RASA2: variants seen among roughly 807,000 people sequenced by gnomAD.
RASA2 encodes the protein ras GTPase-activating protein 2.
A neutral mutation model predicts 118.2 loss-of-function variants in RASA2; 155 were observed. The observed-to-expected ratio is 1.31, with a 90% CI of 1.15 to 1.50. The LOEUF is 1.50. Ranked by LOEUF, RASA2 falls within the 40% of genes most tolerant of loss-of-function variation. The probability of loss-of-function intolerance (pLI) is 0.00; values close to 1 mark genes in which losing one functional copy is unlikely to be tolerated. For synonymous variants in RASA2, 353 were observed against 349.1 expected (o/e 1.01, Z -0.12); for missense variants, 1,016 against 1,009.6 (o/e 1.01, Z -0.09).
chr3:141,586,384 T>C (rs918042890), intron 18 of RASA2, among the ~76,000 whole-genome samples: 7 of 152,194 alleles, frequency 4.6e-5, no homozygotes, highest in Admixed American at 1.3e-4. Flanking sequence ...GTAAAGTGTT[T>C]ATTATAAGTT....
chr3:141,558,989 T>G (rs777833346), intron 8 of RASA2, 27 bp downstream of exon 8: 1 of 1,535,534 alleles, frequency 6.5e-7, no homozygotes, highest in East Asian at 2.3e-5. Context: ...TTTACAGAAT[T>G]GCTTTTTTGT....
chr3:141,546,304 C>T (rs1207432593), intron 5 of RASA2, among the ~76,000 whole-genome samples: 1 of 152,172 alleles, frequency 6.6e-6, no homozygotes, highest in Non-Finnish European at 1.5e-5. Context: ...ACATTGCCAC[C>T]AGCAGTGTAC....
intron 19 of RASA2, among the ~76,000 whole-genome samples, chr3:141,601,337 G>A (rs1465971879): frequency 6.6e-6 from 1 of 152,026 alleles, no homozygotes; most frequent in Non-Finnish European, 1.5e-5. Context: ...TGAGGTCCGA[G>A]AATCACTTGA....
intron 3 of RASA2, among the ~76,000 whole-genome samples, chr3:141,519,918 G>A (rs555937350): frequency 1.3e-5 from 2 of 151,574 alleles, no homozygotes; most frequent in Non-Finnish European, 2.9e-5. Context: ...ACTTAGAATA[G>A]TAGGGAGAAC....
At chr3:141,503,614 A>C (rs957364496) in intron 1 of RASA2, among the ~76,000 whole-genome samples, 11 of 152,202 alleles carry the variant, frequency 7.2e-5, no homozygotes, top group Non-Finnish European at 1.2e-4. Context: ...TACTTTCTCA[A>C]TGAAGCCTTC....
intron 19 of RASA2, among the ~76,000 whole-genome samples, chr3:141,589,194 C>G (rs1418140948): frequency 6.6e-6 from 1 of 152,134 alleles, no homozygotes; most frequent in African/African-American, 2.4e-5. Context: ...TTATAACTTA[C>G]TGAATACTAT....
chr3:141,582,518 C>A (rs2083131531), intron 17 of RASA2, among the ~76,000 whole-genome samples: 1 of 152,118 alleles, frequency 6.6e-6, no homozygotes, highest in African/African-American at 2.4e-5. Flanking sequence ...TCTTTTTTCC[C>A]CTGATATAAT....
At chr3:141,590,555 G>A (rs539374290) in intron 19 of RASA2, among the ~76,000 whole-genome samples, 2 of 152,300 alleles carry the variant, frequency 1.3e-5, no homozygotes, top group East Asian at 3.9e-4. Flanking sequence ...AAATACCTGG[G>A]CTTTGCATTC....
Position 141,557,372 on chromosome 3 carries a change from T to C in RASA2, c.684+1460T>C, listed in dbSNP as rs760531999. 2.6e-5 allele frequency among the ~76,000 whole-genome samples: 4 copies of C among 152,128 alleles called. No individual in the cohort carries two copies. In the East Asian group the frequency reaches 5.8e-4, roughly 22 times the overall value. ...GCTCCATTAAAGGCTTGAAGAAATA[T>C]TGGATTTTCTAAGATTGAGGAAAGA... On this transcript the variant is annotated intron_variant, in intron 7 of 23. Coordinates refer to ENST00000286364, the MANE Select transcript of RASA2 (RefSeq NM_006506.5).
chr3:141,581,070 C>A, intron 16 of RASA2, 30 bp from the exon 17 acceptor site: 1 of 1,492,370 alleles, frequency 6.7e-7, no homozygotes, highest in Non-Finnish European at 8.9e-7. Flanking sequence ...CTATTTAACA[C>A]ATATAAACCC....
At chr3:141,553,074 A>G (rs148256235) in intron 5 of RASA2, among the ~76,000 whole-genome samples, 2,319 of 152,330 alleles carry the variant, frequency 0.015, 25 homozygotes, top group Non-Finnish European at 0.025. Flanking sequence ...AACATTTTCT[A>G]CAGAATGGTG....
chr3:141,508,137 C>A (rs904853370), intron 1 of RASA2, among the ~76,000 whole-genome samples: 1 of 151,176 alleles, frequency 6.6e-6, no homozygotes, highest in Non-Finnish European at 1.5e-5. Context: ...AAAAAAAAAA[C>A]TAGAATTTGT....
At chr3:141,593,161 C>T (rs1267039723) in intron 19 of RASA2, among the ~76,000 whole-genome samples, 1 of 152,142 alleles carries the variant, frequency 6.6e-6, no homozygotes, top group African/African-American at 2.4e-5. Context: ...GATTCTTCTG[C>T]CTCAGCCTCC....
chr3:141,500,993 G>T (rs999086046), intron 1 of RASA2, among the ~76,000 whole-genome samples: 1 of 152,144 alleles, frequency 6.6e-6, no homozygotes. Flanking sequence ...AGATTATTAT[G>T]ATTTAGTAAG....
At chr3:141,520,641 C>CAT (rs909877089) in intron 3 of RASA2, among the ~76,000 whole-genome samples, 1 of 119,096 alleles carries the variant, frequency 8.4e-6, no homozygotes, top group African/African-American at 4.2e-5. Context: ...TATATAGTTA[C>CAT]ATACACATAT....
chr3:141,529,669 A>C, intron 3 of RASA2, 39 bp from the exon 4 acceptor site: 1 of 1,434,154 alleles, frequency 7.0e-7, no homozygotes, highest in Non-Finnish European at 9.8e-7. Context: ...GGATTATACG[A>C]AGCATGTTTT....
At chr3:141,609,232 TAG>T (rs929649431) in intron 21 of RASA2, among the ~76,000 whole-genome samples, 186 bp from the exon 22 acceptor site, 4 of 152,214 alleles carry the variant, frequency 2.6e-5, no homozygotes, top group African/African-American at 9.6e-5. Context: ...TCCTTCTGAT[TAG>T]AGTCACATAA....
chr3:141,515,085 A>C lies in RASA2; in HGVS notation c.252-1243A>C, dbSNP rs188567054. On this transcript the variant is annotated intron_variant, in intron 2 of 23. Coordinates refer to ENST00000286364, the MANE Select transcript of RASA2 (RefSeq NM_006506.5). ...TGGGGTGGAAGCTACACAGTTGTAT[A>C]AATTTATCAGAAGTCATCAACCTCT... Among the ~76,000 whole-genome samples the C allele has an allele frequency of 2.4e-3, 363 of 152,332 alleles. 3 individuals are homozygous for C. The highest frequency in any genetic ancestry group is 8.2e-3 in the African/African-American group (340 of 41,592).
At chr3:141,610,344 T>C (rs1228481160) in intron 23 of RASA2, among the ~76,000 whole-genome samples, 1 of 127,294 alleles carries the variant, frequency 7.9e-6, no homozygotes, top group African/African-American at 3.0e-5. Context: ...ATATTTTATA[T>C]ATATTTATAT....
Sources: allele counts gnomAD v4.1 joint callset (sites outside exome capture counted in the v4.1 genomes callset), GRCh38; gene constraint gnomAD v4.1.1; transcripts MANE v1.5; gene names NCBI Gene and HGNC (gene_info 2026-07-23, HGNC 2026-07-21).